CTNND2: variants seen among roughly 807,000 people sequenced by gnomAD.
CTNND2 encodes catenin delta 2, also known as catenin delta-2.
CTNND2 carries 22 observed loss-of-function variants against 144.4 expected under a neutral mutation model. The ratio of observed to expected loss-of-function variants is 0.15; its 90% CI spans 0.11 to 0.22. CTNND2 has a LOEUF of 0.22. Ranked by LOEUF, CTNND2 falls within the 10% of genes least tolerant of loss-of-function variation. The pLI is 1.00. For synonymous variants in CTNND2, 751 were observed against 695.6 expected (o/e 1.08, Z -1.25); for missense variants, 1,353 against 1,618.8 (o/e 0.84, Z 2.82).
chr5:11,318,956 C>T (rs1312138613), intron 9 of CTNND2, among the ~76,000 whole-genome samples: 1 of 151,622 alleles, frequency 6.6e-6, no homozygotes, highest in East Asian at 1.9e-4. Context: ...AATGAGAGAA[C>T]ATACTTATAT....
intron 9 of CTNND2, among the ~76,000 whole-genome samples, chr5:11,247,251 AGG>A (rs1743097955): frequency 6.6e-6 from 1 of 152,140 alleles, no homozygotes; most frequent in African/African-American, 2.4e-5. Context: ...GCAGGGACAG[AGG>A]GTGTTGAGAA....
At chr5:11,782,757 C>CA (rs1266845657) in intron 1 of CTNND2, among the ~76,000 whole-genome samples, 5 of 152,166 alleles carry the variant, frequency 3.3e-5, no homozygotes, top group Admixed American at 6.5e-5. Flanking sequence ...TATCCTATTC[C>CA]ATTATGAGAT....
chr5:11,078,847 A>T (rs1206331199), intron 16 of CTNND2, among the ~76,000 whole-genome samples: 1 of 152,222 alleles, frequency 6.6e-6, no homozygotes, highest in Non-Finnish European at 1.5e-5. Context: ...GATATACCAG[A>T]TCTACACAAT....
intron 18 of CTNND2, among the ~76,000 whole-genome samples, chr5:11,015,397 T>A (rs184496334): frequency 6.6e-6 from 1 of 152,370 alleles, no homozygotes; most frequent in East Asian, 1.9e-4. Context: ...TCGATATTTT[T>A]AAATCATGGG....
chr5:11,592,028 A>G (rs1434379767), intron 2 of CTNND2, among the ~76,000 whole-genome samples: 1 of 142,568 alleles, frequency 7.0e-6, no homozygotes, highest in Non-Finnish European at 1.5e-5. Context: ...CTTGTCCTTC[A>G]TAGAGCTTCA....
At chr5:11,344,889 A>C (rs1375287091) in intron 9 of CTNND2, among the ~76,000 whole-genome samples, 1 of 152,232 alleles carries the variant, frequency 6.6e-6, no homozygotes, top group African/African-American at 2.4e-5. Context: ...ACAGTATTAA[A>C]TACAGAAGCT....
chr5:11,014,866 T>A (rs1339461928), intron 18 of CTNND2, among the ~76,000 whole-genome samples: 3 of 152,160 alleles, frequency 2.0e-5, no homozygotes, highest in African/African-American at 7.2e-5. Context: ...TTCCCTTTTA[T>A]CCATAATGTC....
chr5:11,522,208 T>C (rs985122579), intron 3 of CTNND2, among the ~76,000 whole-genome samples: 2 of 152,252 alleles, frequency 1.3e-5, no homozygotes, highest in Non-Finnish European at 2.9e-5. Flanking sequence ...GAAGAAAGAT[T>C]GTAAATTTTC....
At chr5:11,761,507 T>C (rs1281536566) in intron 1 of CTNND2, among the ~76,000 whole-genome samples, 1 of 152,200 alleles carries the variant, frequency 6.6e-6, no homozygotes, top group Non-Finnish European at 1.5e-5. Flanking sequence ...AATTTGTAGA[T>C]TTTATATTCA....
At chr5:11,354,459 A>G (rs1277452853) in intron 8 of CTNND2, among the ~76,000 whole-genome samples, 1 of 152,206 alleles carries the variant, frequency 6.6e-6, no homozygotes, top group Non-Finnish European at 1.5e-5. Flanking sequence ...ATTTAAAACC[A>G]CAGGTGCTGT....
At chr5:11,583,451 G>C (rs1013192762) in intron 2 of CTNND2, among the ~76,000 whole-genome samples, 5 of 152,238 alleles carry the variant, frequency 3.3e-5, no homozygotes, top group Non-Finnish European at 5.9e-5. Flanking sequence ...GCTGAAGGAG[G>C]GAGGGTCAGC....
intron 9 of CTNND2, among the ~76,000 whole-genome samples, chr5:11,312,981 T>A (rs1405447915): frequency 6.6e-6 from 1 of 152,170 alleles, no homozygotes; most frequent in Non-Finnish European, 1.5e-5. Flanking sequence ...GGTTTGCAGC[T>A]CCTTTGGCCC....
intron 2 of CTNND2, among the ~76,000 whole-genome samples, chr5:11,708,051 ATT>A (rs11332164): frequency 6.4e-5 from 9 of 140,870 alleles, no homozygotes; most frequent in African/African-American, 2.0e-4. Context: ...TTTAAAGATG[ATT>A]TTTTTTTTTT....
intron 3 of CTNND2, among the ~76,000 whole-genome samples, chr5:11,479,019 T>G (rs1342252471): frequency 6.6e-6 from 1 of 152,190 alleles, no homozygotes; most frequent in Non-Finnish European, 1.5e-5. Flanking sequence ...AAATTAGGTT[T>G]GGGGTACATG....
At chr5:11,060,165 T>C (rs1746798772) in intron 16 of CTNND2, among the ~76,000 whole-genome samples, 1 of 152,178 alleles carries the variant, frequency 6.6e-6, no homozygotes, top group Non-Finnish European at 1.5e-5. Flanking sequence ...CCACAGCATT[T>C]GCAGGGACGG....
At chr5:11,518,016 T>C (rs1772344829) in intron 3 of CTNND2, among the ~76,000 whole-genome samples, 1 of 152,088 alleles carries the variant, frequency 6.6e-6, no homozygotes. Context: ...TTACCGGGCA[T>C]TGGTGGAACG....
chr5:11,064,117 A>G (rs1199110801), intron 16 of CTNND2, among the ~76,000 whole-genome samples: 1 of 152,142 alleles, frequency 6.6e-6, no homozygotes, highest in Admixed American at 6.5e-5. Context: ...GGGCTGGAAG[A>G]AATGGAGTCC....
chr5:11,715,966 T>C (rs1786326364), intron 2 of CTNND2, among the ~76,000 whole-genome samples: 1 of 152,138 alleles, frequency 6.6e-6, no homozygotes, highest in African/African-American at 2.4e-5. Context: ...TTATCCAAAC[T>C]CTCTATCGTA....
chr5:11,266,015 T>C (rs1351393172), intron 9 of CTNND2, among the ~76,000 whole-genome samples: 3 of 152,116 alleles, frequency 2.0e-5, no homozygotes, highest in East Asian at 1.9e-4. Context: ...TGGTCATCTC[T>C]TTCTATTTTT....
Sources: gnomAD v4.1 joint callset for allele counts (sites outside exome capture counted in the v4.1 genomes callset) on GRCh38, gnomAD v4.1.1 for gene constraint, MANE v1.5 for transcripts, NCBI Gene and HGNC (gene_info 2026-07-23, HGNC 2026-07-21) for gene names.